PGAP1: variants seen among roughly 807,000 people sequenced by gnomAD.
PGAP1 encodes the protein GPI inositol-deacylase.
PGAP1 carries 76 observed loss-of-function variants against 127.0 expected under a neutral mutation model. The observed-to-expected ratio is 0.60, with a 90% CI of 0.50 to 0.72. PGAP1 has a LOEUF of 0.72. PGAP1 is among the 30% of genes least tolerant of loss of function. PGAP1 has a pLI of 0.00. For missense variants in PGAP1, 982 were observed against 1,071.3 expected, an observed-to-expected ratio of 0.92 and a Z score of 1.16; for synonymous variants, 362 against 366.5, an observed-to-expected ratio of 0.99 and a Z score of 0.14.
At chr2:196,847,775 A>G (rs1700601010) in intron 21 of PGAP1, 172 bp downstream of exon 21, 1 of 459,692 alleles carries the variant, frequency 2.2e-6, no homozygotes, top group Non-Finnish European at 3.8e-6. Flanking sequence ...ATACTATTGA[A>G]GTAGACATTG....
At chr2:196,904,818 C>A (rs1324436388) in intron 4 of PGAP1, among the ~76,000 whole-genome samples, 1 of 152,132 alleles carries the variant, frequency 6.6e-6, no homozygotes, top group Admixed American at 6.5e-5. Context: ...GCTACTTAGC[C>A]TTCATACTTC....
Position 196,893,150 on chromosome 2 carries a change from A to G in PGAP1, c.1023T>C (p.Ser341=), listed in dbSNP as rs1430380348. 1 of 1,578,226 alleles carries G rather than the reference A, an allele frequency of 6.3e-7. No individual in the cohort carries two copies. Among genetic ancestry groups the G allele is most frequent in the East Asian group, 2.3e-5 (1 of 44,372 alleles). ...GTTATTGTCACCAACCTGTTAAGTC[A>G]GAAATTATAGCTGGATTTTCCTCAA... ...KHFEENPAII[S]DLTGTSMWVL... Residue 341 remains serine (S), a synonymous_variant, in exon 8 of 27, where the codon TCT becomes TCC. Transcript: ENST00000354764.
chr2:196,855,724 A>T (rs902316274), intron 20 of PGAP1, among the ~76,000 whole-genome samples: 7 of 152,252 alleles, frequency 4.6e-5, no homozygotes, highest in African/African-American at 1.7e-4. Flanking sequence ...GGCTCCTACA[A>T]AATTTGGAAA....
rs746977564 is a variant in PGAP1, at chr2:196,846,013, A to C, written c.2155T>G (p.Ser719Ala). The change falls in exon 23 of 27, where the codon TCT (serine) becomes GCT (alanine). Residue 719 changes from serine to alanine, a missense_variant. Physicochemically the swap from Ser to Ala is moderately conservative, Grantham distance 99. Transcript: ENST00000354764. ...SSLWLALKRP[S>A]ELPKDIKMIS... ...ATCTTGATATCTTTAGGAAGTTCAG[A>C]GGGTCTGGAATTATAAGAATAAAGT... 1 of 1,576,200 alleles carries C rather than the reference A, an allele frequency of 6.3e-7. No homozygotes were observed. The highest frequency in any genetic ancestry group is 1.7e-5 in the Admixed American group (1 of 58,754).
intron 12 of PGAP1, among the ~76,000 whole-genome samples, chr2:196,880,800 G>T (rs985655168): frequency 6.6e-6 from 1 of 152,190 alleles, no homozygotes; most frequent in African/African-American, 2.4e-5. Context: ...TGAATTGGTA[G>T]AAGACTGCTC....
At chr2:196,856,161 A>G (rs1700876888) in intron 20 of PGAP1, among the ~76,000 whole-genome samples, 1 of 151,874 alleles carries the variant, frequency 6.6e-6, no homozygotes. Context: ...TTACAGGCAT[A>G]CAACACCATG....
chr2:196,872,652 G>T, intron 17 of PGAP1, 103 bp from the exon 18 acceptor site: 1 of 779,482 alleles, frequency 1.3e-6, no homozygotes, highest in Non-Finnish European at 2.1e-6. Context: ...TGTAGAGGAA[G>T]CTAGGTGCCA....
At chr2:196,885,902 C>T in intron 10 of PGAP1, 22 bp from the exon 11 acceptor site, 1 of 1,365,638 alleles carries the variant, frequency 7.3e-7, no homozygotes, top group Non-Finnish European at 9.5e-7. Context: ...CAGCACAAAA[C>T]AAAACACACT....
chr2:196,845,997 T>A lies in PGAP1; in HGVS notation c.2171A>T (p.Asp724Val). 1 of 1,595,490 alleles carries A rather than the reference T, an allele frequency of 6.3e-7. No homozygotes were observed. The highest frequency in any genetic ancestry group is 1.1e-5 in the South Asian group (1 of 87,938). ...CAAGTCTGGTGATATCATCTTGATA[T>A]CTTTAGGAAGTTCAGAGGGTCTGGA... ...ALKRPSELPKDIKMISPDLPF... is the reference protein window; with the variant it reads ...ALKRPSELPKVIKMISPDLPF... Residue 724 changes from aspartate (D) to valine (V), a missense_variant, in exon 23 of 27, where the codon GAT (aspartate) becomes GTT (valine). Transcript: ENST00000354764.
chr2:196,879,282 T>C (rs2125805889), intron 13 of PGAP1, among the ~76,000 whole-genome samples: 1 of 152,340 alleles, frequency 6.6e-6, no homozygotes, highest in African/African-American at 2.4e-5. Flanking sequence ...CCATTCTTTT[T>C]ATGTACTTGC....
chr2:196,852,078 T>C (rs1198013872), intron 20 of PGAP1, among the ~76,000 whole-genome samples: 1 of 152,240 alleles, frequency 6.6e-6, no homozygotes, highest in Non-Finnish European at 1.5e-5. Flanking sequence ...AATTTGGATC[T>C]AATTATCTTT....
rs537839838 is a variant in PGAP1 at position 196,833,784 on chromosome 2, G to T, written c.*7450C>A. ...ACAGAAATGTGGGCATCTTTTATCA[G>T]AGACCATGATTATCCTGTGAATAAA... On this transcript the variant is annotated 3_prime_UTR_variant, in exon 27 of 27. Transcript: ENST00000354764. 5 of 152,134 alleles carry T rather than the reference G, an allele frequency of 3.3e-5. No individual in the cohort carries two copies. Among genetic ancestry groups the T allele is most frequent in the Non-Finnish European group, 7.4e-5 (5 of 67,948 alleles). 9.4% of individuals were successfully genotyped at this position (152,134 alleles called of 1,614,324 possible). A position where few individuals can be genotyped will look rare whatever the true frequency, so the allele number is the denominator to read the frequency against.
At chr2:196,918,253 T>A (rs1703078681) in intron 2 of PGAP1, among the ~76,000 whole-genome samples, 1 of 152,130 alleles carries the variant, frequency 6.6e-6, no homozygotes, top group Non-Finnish European at 1.5e-5. Flanking sequence ...GAAGGTAAAA[T>A]ATACTGCTTT....
chr2:196,888,503 C>T (rs1313142715), intron 10 of PGAP1, among the ~76,000 whole-genome samples: 1 of 151,930 alleles, frequency 6.6e-6, no homozygotes, highest in Admixed American at 6.6e-5. Context: ...TACCAGTTTA[C>T]AGAAAACATA....
At chr2:196,844,721 T>A in intron 23 of PGAP1, 147 bp from the exon 24 acceptor site, 1 of 600,192 alleles carries the variant, frequency 1.7e-6, no homozygotes, top group Admixed American at 3.6e-5. Context: ...AACATTCTTA[T>A]ACAAAACAAC....
intron 10 of PGAP1, among the ~76,000 whole-genome samples, chr2:196,890,123 C>G (rs546717217): frequency 6.6e-6 from 1 of 151,858 alleles, no homozygotes; most frequent in Non-Finnish European, 1.5e-5. Flanking sequence ...TTTGCAGAGA[C>G]GGGGTTTGAC....
intron 4 of PGAP1, among the ~76,000 whole-genome samples, chr2:196,904,864 G>A (rs992230128): frequency 6.6e-6 from 1 of 152,166 alleles, no homozygotes; most frequent in Non-Finnish European, 1.5e-5. Context: ...AGAGCAGCAG[G>A]AACCTCTAAA....
intron 5 of PGAP1, among the ~76,000 whole-genome samples, chr2:196,901,617 C>T (rs1438870270): frequency 6.6e-6 from 1 of 152,170 alleles, no homozygotes; most frequent in South Asian, 2.1e-4. Flanking sequence ...AGGTTAAATA[C>T]ACATGAAAGA....
chr2:196,866,096 T>G lies in PGAP1; in HGVS notation c.1768-1016A>C, dbSNP rs182715531. On this transcript the variant is annotated intron_variant, in intron 19 of 26. Transcript: ENST00000354764. ...TTATCCGCATCAAGCTACCATTGTC[T>G]TTCTTCACAGAATTAGAAAAAAACT... 1.3e-4 allele frequency among the ~76,000 whole-genome samples: 20 copies of G among 152,326 alleles called. 1 individual carries two copies. The East Asian group carries it at 3.9e-3, about 29-fold the overall frequency.
Sources: gnomAD v4.1 joint callset for allele counts (sites outside exome capture counted in the v4.1 genomes callset) on GRCh38, gnomAD v4.1.1 for gene constraint, MANE v1.5 for transcripts, NCBI Gene and HGNC (gene_info 2026-07-23, HGNC 2026-07-21) for gene names.